The following NPAS2 variants were observed in gnomAD, a reference collection of about 807,000 sequenced individuals.
NPAS2 encodes neuronal PAS domain protein 2, also known as neuronal PAS domain-containing protein 2.
In NPAS2, 23 loss-of-function variants were observed where a neutral mutation model predicts 107.5. The observed-to-expected ratio is 0.21, with a 90% confidence interval of 0.15 to 0.30. The LOEUF is 0.30. Ranked by LOEUF, NPAS2 falls within the 10% of genes least tolerant of loss-of-function variation. The probability of loss-of-function intolerance (pLI) is 1.00; values close to 1 mark genes in which losing one functional copy is unlikely to be tolerated. For missense variants in NPAS2, 756 were observed against 1,043.3 expected (o/e 0.72, Z 3.79); for synonymous variants, 403 against 417.5 (o/e 0.97, Z 0.42).
chr2:100,993,419 C>A lies in NPAS2; in HGVS notation c.2184C>A (p.Pro728=), dbSNP rs780644871. 1.9e-6 allele frequency: 3 copies of A among 1,613,518 alleles called. No individual in the cohort carries two copies. The highest frequency in any genetic ancestry group is 2.2e-5 in the East Asian group (1 of 44,854). The change falls in exon 20 of 21, where the codon CCC becomes CCA. Residue 728 remains proline, a synonymous_variant. Coordinates refer to ENST00000335681, the MANE Select transcript of NPAS2 (RefSeq NM_002518.4). ...CCAACAGCAGCAGCGCCCCGATGCC[C>A]GTCCTGCTGATGGGGCAGGCGGTGC... ...HPANSSSAPM[P]VLLMGQAVLH...
At chr2:100,954,664 C>CAA (rs1194534141) in intron 7 of NPAS2, among the ~76,000 whole-genome samples, 15 of 81,362 alleles carry the variant, frequency 1.8e-4, no homozygotes, top group East Asian at 1.0e-3. Flanking sequence ...AACTGTGTCT[C>CAA]AAAAAAAAAA....
intron 3 of NPAS2, among the ~76,000 whole-genome samples, chr2:100,931,192 C>T (rs1683928188): frequency 6.6e-6 from 1 of 152,168 alleles, no homozygotes; most frequent in South Asian, 2.1e-4. Context: ...CGCGGCCCTC[C>T]CTCCAGGGGC....
intron 1 of NPAS2, among the ~76,000 whole-genome samples, chr2:100,871,080 G>C (rs753168845): frequency 1.1e-4 from 17 of 152,168 alleles, no homozygotes; most frequent in Middle Eastern, 3.2e-3. Context: ...TCAATGCCAT[G>C]CTCTAAGGCA....
intron 7 of NPAS2, among the ~76,000 whole-genome samples, chr2:100,960,300 C>A (rs973754087): frequency 6.6e-6 from 1 of 152,032 alleles, no homozygotes; most frequent in African/African-American, 2.4e-5. Context: ...CGGTGGCTCA[C>A]GCCTGTAATC....
intron 1 of NPAS2, among the ~76,000 whole-genome samples, chr2:100,869,505 C>T (rs1679438521): frequency 6.6e-6 from 1 of 152,220 alleles, no homozygotes; most frequent in Admixed American, 6.5e-5. Flanking sequence ...GAAATGATCT[C>T]TTAAGGATTT....
chr2:100,971,298 C>CAAAAA lies in NPAS2; in HGVS notation c.1140+240_1140+244dup, dbSNP rs35040339. Among the ~76,000 whole-genome samples the CAAAAA allele has an allele frequency of 1.1e-3, 114 of 102,438 alleles. 3 individuals are homozygous for CAAAAA. Among genetic ancestry groups the CAAAAA allele is most frequent in the African/African-American group, 3.1e-3 (82 of 26,244 alleles). 67.2% of individuals were successfully genotyped at this position (102,438 alleles called of 152,430 possible). A position where few individuals can be genotyped will look rare whatever the true frequency, so the allele number is the denominator to read the frequency against. ...CGGATGACAGAGTAAGACTCTATCT[C>CAAAAA]AAAAAAAAAAAAAAAAAAAAGAGCC... On this transcript the variant is annotated intron_variant, in intron 12 of 20. Coordinates refer to ENST00000335681, the MANE Select transcript of NPAS2 (RefSeq NM_002518.4).
At chr2:100,859,933 T>G (rs1678830676) in intron 1 of NPAS2, among the ~76,000 whole-genome samples, 2 of 152,318 alleles carry the variant, frequency 1.3e-5, no homozygotes, top group South Asian at 4.1e-4. Flanking sequence ...ACTAAACCAT[T>G]TGAAGGTAAG....
intron 1 of NPAS2, among the ~76,000 whole-genome samples, chr2:100,895,542 T>C (rs1681357336): frequency 6.6e-6 from 1 of 152,228 alleles, no homozygotes; most frequent in Non-Finnish European, 1.5e-5. Context: ...ACACCCAGTG[T>C]GCCCCAGTAG....
chr2:100,843,286 T>G (rs1677564000), intron 1 of NPAS2, among the ~76,000 whole-genome samples: 1 of 152,122 alleles, frequency 6.6e-6, no homozygotes, highest in Admixed American at 6.5e-5. Flanking sequence ...CCTGGGAATT[T>G]CATACATTTT....
rs374276960 is a variant in NPAS2 at position 100,855,518 on chromosome 2, C to T, written c.-23+35104C>T. Among the ~76,000 whole-genome samples the T allele has an allele frequency of 5.3e-4, 81 of 152,286 alleles. 1 individual carries two copies. Among genetic ancestry groups the T allele is most frequent in the African/African-American group, 1.9e-3 (81 of 41,562 alleles). On this transcript the variant is annotated intron_variant, in intron 1 of 20. Transcript: ENST00000335681. ...GCATTCCGAGTTGCTTGTCTGTGTT[C>T]TTACACATTTTGTTTTTACCTCATT... is the stretch of plus-strand genomic sequence containing the variant.
chr2:100,891,515 A>G (rs1431072848), intron 1 of NPAS2, among the ~76,000 whole-genome samples: 1 of 152,184 alleles, frequency 6.6e-6, no homozygotes, highest in Admixed American at 6.5e-5. Flanking sequence ...GAGGCGTCCC[A>G]ACAGATTCTC....
At chr2:100,922,508 G>A (rs531632874) in intron 2 of NPAS2, among the ~76,000 whole-genome samples, 10 of 152,192 alleles carry the variant, frequency 6.6e-5, no homozygotes, top group Admixed American at 3.3e-4. Context: ...CCTTGAACCC[G>A]GGAGGTGGAG....
chr2:100,996,092 G>A lies in NPAS2; in HGVS notation c.*510G>A. ...GTTTTAATTTGCACAGCTACACAGAGGAAATAACTTAGGCACTTTCTGTTT... is the reference window on the plus strand; with the variant it reads ...GTTTTAATTTGCACAGCTACACAGAAGAAATAACTTAGGCACTTTCTGTTT... On this transcript the variant is annotated 3_prime_UTR_variant, in exon 21 of 21. Transcript: ENST00000335681. The A allele has an allele frequency of 3.3e-6, 2 of 603,186 alleles. No homozygotes were observed. The highest frequency in any genetic ancestry group is 4.6e-6 in the Non-Finnish European group (2 of 434,894). 37.4% of individuals were successfully genotyped at this position (603,186 alleles called of 1,614,324 possible).
chr2:100,843,141 C>T (rs1677549075), intron 1 of NPAS2, among the ~76,000 whole-genome samples: 1 of 151,892 alleles, frequency 6.6e-6, no homozygotes, highest in Non-Finnish European at 1.5e-5. Context: ...ATCGCTTGAA[C>T]CCGGGAGGCG....
In NPAS2 at chr2:100,990,809, T is replaced by C; in HGVS notation, c.2048T>C (p.Met683Thr). Residue 683 changes from methionine to threonine, a missense_variant, in exon 19 of 21, where the codon ATG becomes ACG. By Grantham distance (81) the Met-to-Thr change is moderately conservative. Coordinates refer to ENST00000335681, the MANE Select transcript of NPAS2 (RefSeq NM_002518.4). ...RLLLSQPIQP[M>T]MPGSCDARQP... is the part of the protein sequence containing the mutation. ...TTGCTGAGCCAGCCCATCCAGCCCA[T>C]GATGCCCGGGTCCTGTGACGCAAGG... 2 of 1,614,186 alleles carry C rather than the reference T, an allele frequency of 1.2e-6. No homozygotes were observed. The highest frequency in any genetic ancestry group is 8.5e-7 in the Non-Finnish European group (1 of 1,180,024).
chr2:100,849,851 A>G (rs1474130867), intron 1 of NPAS2, among the ~76,000 whole-genome samples: 1 of 152,094 alleles, frequency 6.6e-6, no homozygotes, highest in Non-Finnish European at 1.5e-5. Context: ...TGGCTAAAAG[A>G]GACATCAGGA....
chr2:100,844,903 G>T (rs1046712357), intron 1 of NPAS2, among the ~76,000 whole-genome samples: 1 of 152,170 alleles, frequency 6.6e-6, no homozygotes, highest in Non-Finnish European at 1.5e-5. Flanking sequence ...TGTACTGTGG[G>T]AATAAACAAA....
At chr2:100,831,894 C>G (rs1381372629) in intron 1 of NPAS2, among the ~76,000 whole-genome samples, 1 of 152,126 alleles carries the variant, frequency 6.6e-6, no homozygotes, top group Non-Finnish European at 1.5e-5. Context: ...CCTGGCTTTT[C>G]TATTCTCTCA....
At chr2:100,826,209 C>G (rs554631694) in intron 1 of NPAS2, among the ~76,000 whole-genome samples, 61 of 152,094 alleles carry the variant, frequency 4.0e-4, no homozygotes, top group African/African-American at 1.3e-3. Flanking sequence ...TTTGGGAGGC[C>G]GAGGCGGGCG....
Sources: gnomAD v4.1 joint callset for allele counts (sites outside exome capture counted in the v4.1 genomes callset) on GRCh38, gnomAD v4.1.1 for gene constraint, MANE v1.5 for transcripts, NCBI Gene and HGNC (gene_info 2026-07-23, HGNC 2026-07-21) for gene names.